CHL1: variants seen among roughly 807,000 people sequenced by gnomAD.
CHL1 encodes the protein cell adhesion molecule L1 like, also known as neural cell adhesion molecule L1-like protein.
Under a neutral mutation model 141.9 loss-of-function variants are expected in CHL1, and 96 were observed. The ratio of observed to expected loss-of-function variants is 0.68; its 90% CI spans 0.57 to 0.80. CHL1 has a LOEUF of 0.80. Ranked by LOEUF, CHL1 falls within the 30% of genes least tolerant of loss-of-function variation. The pLI is 0.00. For synonymous variants in CHL1, 613 were observed against 502.2 expected, an observed-to-expected ratio of 1.22 and a Z score of -2.95; for missense variants, 1,820 against 1,457.2, an observed-to-expected ratio of 1.25 and a Z score of -4.05.
At chr3:351,923 A>G (rs1000560649) in intron 10 of CHL1, among the ~76,000 whole-genome samples, 5 of 151,286 alleles carry the variant, frequency 3.3e-5, no homozygotes, top group African/African-American at 1.2e-4. Flanking sequence ...AAAGAGATAT[A>G]TTATAGTGAC....
intron 1 of CHL1, among the ~76,000 whole-genome samples, chr3:214,769 A>G (rs1010358709): frequency 1.2e-4 from 19 of 152,348 alleles, no homozygotes; most frequent in South Asian, 6.2e-4. Context: ...TAAAAGTTCA[A>G]TAGGAATAAG....
chr3:272,222 A>T (rs1339265897), intron 2 of CHL1, among the ~76,000 whole-genome samples: 1 of 152,218 alleles, frequency 6.6e-6, no homozygotes, highest in Admixed American at 6.5e-5. Flanking sequence ...AAGCACATGT[A>T]GCAATGCCAA....
At chr3:207,071 G>C (rs950700114) in intron 1 of CHL1, among the ~76,000 whole-genome samples, 4 of 152,142 alleles carry the variant, frequency 2.6e-5, no homozygotes, top group African/African-American at 4.8e-5. Context: ...ATAAAGATAA[G>C]GCTTTAGAAG....
rs1209510129 is a variant in CHL1 at position 287,236 on chromosome 3, T to C, written c.-94-32447T>C. Reference sequence around the variant, plus strand: ...ATATTATATATTAATACATATTATATTTACCATCATTAGAATGTAAATTCT... The same window carrying C: ...ATATTATATATTAATACATATTATACTTACCATCATTAGAATGTAAATTCT... On this transcript the variant is annotated intron_variant, in intron 2 of 27. Coordinates refer to ENST00000256509, the MANE Select transcript of CHL1 (RefSeq NM_006614.4). 2.6e-5 allele frequency among the ~76,000 whole-genome samples: 4 copies of C among 152,124 alleles called. No homozygotes were observed. In the South Asian group the frequency reaches 6.2e-4, roughly 24 times the overall value.
chr3:375,092 A>G (rs1322418067), intron 15 of CHL1, among the ~76,000 whole-genome samples: 1 of 152,084 alleles, frequency 6.6e-6, no homozygotes, highest in African/African-American at 2.4e-5. Flanking sequence ...AGGCCTCCCA[A>G]TAATACTATT....
intron 1 of CHL1, among the ~76,000 whole-genome samples, chr3:199,449 T>C (rs917343270): frequency 7.9e-5 from 12 of 152,210 alleles, no homozygotes; most frequent in Non-Finnish European, 1.3e-4. Flanking sequence ...TGATTCCTCA[T>C]GGTTATATAG....
At chr3:328,423 G>A in intron 5 of CHL1, 69 bp downstream of exon 5, 1 of 1,276,126 alleles carries the variant, frequency 7.8e-7, no homozygotes, top group Non-Finnish European at 1.1e-6. Context: ...GTTAGATTGG[G>A]TTCCAATGAA....
rs754485305 is a variant in CHL1, at chr3:398,374, C to A, written c.3242C>A (p.Thr1081Lys). 3.8e-6 allele frequency: 6 copies of A among 1,597,160 alleles called. No homozygotes were observed. In the Admixed American group the frequency reaches 1.0e-4, roughly 27 times the overall value. The change falls in exon 25 of 28, where the codon ACA becomes AAA. Residue 1081 changes from threonine to lysine, a missense_variant. Transcript: ENST00000256509. ...NDSIFQDVIE[T>K]RGREYAGLYD... ...AGCATTTTTCAAGATGTAATTGAGA[C>A]AAGAGGGAGAGGTGAGAAATGAGAT...
At position 323,591 on chromosome 3, in the gene CHL1, CTA is replaced by C. The variant is rs1382069791; in HGVS notation, c.92-2367_92-2366del. On this transcript the variant is annotated intron_variant, in intron 3 of 27. Transcript: ENST00000256509. ...GTATCTACAATCATCAGAAAGGACT[CTA>C]AAATTTCCCATCATTTTTTAACTAC... is the stretch of plus-strand genomic sequence containing the variant. Among the ~76,000 whole-genome samples, 7 of 152,082 alleles carry C rather than the reference CTA, an allele frequency of 4.6e-5. No individual in the cohort carries two copies. The East Asian group carries it at 1.4e-3, about 29-fold the overall frequency.
At chr3:231,393 A>G (rs149241026) in intron 1 of CHL1, among the ~76,000 whole-genome samples, 1 of 152,176 alleles carries the variant, frequency 6.6e-6, no homozygotes, top group African/African-American at 2.4e-5. Flanking sequence ...AGATAATTGC[A>G]TATGTACAAT....
At chr3:331,206 CTTTTTTGT>C (rs1389101760) in intron 5 of CHL1, among the ~76,000 whole-genome samples, 1 of 87,774 alleles carries the variant, frequency 1.1e-5, no homozygotes, top group Non-Finnish European at 2.7e-5. Flanking sequence ...TCCTTTCTGG[CTTTTTTGT>C]TTGTTTGTTT....
At chr3:397,967 A>G (rs967437319) in intron 24 of CHL1, among the ~76,000 whole-genome samples, 1 of 152,156 alleles carries the variant, frequency 6.6e-6, no homozygotes, top group South Asian at 2.1e-4. Context: ...TGTGGTTTTG[A>G]ACCATTCATG....
intron 2 of CHL1, among the ~76,000 whole-genome samples, chr3:245,269 G>A (rs1693055515): frequency 6.6e-6 from 1 of 152,124 alleles, no homozygotes; most frequent in Non-Finnish European, 1.5e-5. Context: ...GGAACAATAA[G>A]AAAAGTTCAC....
intron 2 of CHL1, among the ~76,000 whole-genome samples, chr3:300,940 T>G (rs147616696): frequency 1.1e-4 from 16 of 152,248 alleles, no homozygotes; most frequent in African/African-American, 3.6e-4. Context: ...TTGGAGTGTT[T>G]AGGAAGTTAA....
At chr3:385,842 A>AAG (rs1707643139) in intron 19 of CHL1, 1 of 151,802 alleles carries the variant, frequency 6.6e-6, no homozygotes, top group Non-Finnish European at 1.5e-5. Flanking sequence ...AAAAAAAAAA[A>AAG]AAAGCATTTA....
intron 1 of CHL1, among the ~76,000 whole-genome samples, chr3:237,933 G>T (rs181070501): frequency 1.4e-4 from 21 of 152,270 alleles, no homozygotes; most frequent in Admixed American, 1.3e-3. Flanking sequence ...AGAAAAAGTT[G>T]AACATCTTCA....
intron 10 of CHL1, among the ~76,000 whole-genome samples, chr3:352,527 TCATCTGTTAC>T (rs1703357191): frequency 6.6e-6 from 1 of 152,210 alleles, no homozygotes; most frequent in South Asian, 2.1e-4. Context: ...TAAGCAATTT[TCATCTGTTAC>T]CATATGTCTT....
intron 2 of CHL1, among the ~76,000 whole-genome samples, chr3:316,183 C>T (rs546959850): frequency 6.6e-6 from 1 of 152,154 alleles, no homozygotes; most frequent in South Asian, 2.1e-4. Flanking sequence ...CATTTTTGAA[C>T]ATGATTGGCA....
chr3:276,522 A>C (rs1696113705), intron 2 of CHL1, among the ~76,000 whole-genome samples: 1 of 152,148 alleles, frequency 6.6e-6, no homozygotes, highest in Non-Finnish European at 1.5e-5. Context: ...GTTCCAAGGA[A>C]AATCTCCTGA....
Sources: allele counts gnomAD v4.1 joint callset (sites outside exome capture counted in the v4.1 genomes callset), GRCh38; gene constraint gnomAD v4.1.1; transcripts MANE v1.5; gene names NCBI Gene and HGNC (gene_info 2026-07-23, HGNC 2026-07-21).